The following CDH4 variants were observed in gnomAD, a reference collection of about 807,000 sequenced individuals.
CDH4 encodes the protein cadherin-4.
A neutral mutation model predicts 86.0 loss-of-function variants in CDH4; 33 were observed. That is an observed-to-expected ratio of 0.38 (90% CI 0.29 to 0.51). The LOEUF is 0.51. Among genes scored for constraint, CDH4 ranks in the 20% least tolerant of loss-of-function variants. CDH4 has a pLI of 0.86. For missense variants in CDH4, 1,114 were observed against 1,307.4 expected, an observed-to-expected ratio of 0.85 and a Z score of 2.28; for synonymous variants, 555 against 549.4, an observed-to-expected ratio of 1.01 and a Z score of -0.14.
chr20:61,701,950 G>T (rs759569052), intron 2 of CDH4, among the ~76,000 whole-genome samples: 1 of 152,194 alleles, frequency 6.6e-6, no homozygotes, highest in Non-Finnish European at 1.5e-5. Context: ...ACTCAGCTGC[G>T]TGAAGCCTCG....
At chr20:61,359,285 C>T (rs35542287) in intron 2 of CDH4, among the ~76,000 whole-genome samples, 34,652 of 152,054 alleles carry the variant, frequency 0.23, 4,481 homozygotes, top group South Asian at 0.35. Flanking sequence ...GGGGGGTGGA[C>T]TACGAGGTCA....
At chr20:61,821,188 C>A (rs1981010283) in intron 4 of CDH4, among the ~76,000 whole-genome samples, 1 of 142,866 alleles carries the variant, frequency 7.0e-6, no homozygotes, top group Non-Finnish European at 1.5e-5. Flanking sequence ...CAGCCCAGAT[C>A]CCACTGCTCC....
intron 6 of CDH4, among the ~76,000 whole-genome samples, chr20:61,866,896 C>T (rs1001293904): frequency 1.3e-5 from 2 of 152,216 alleles, no homozygotes; most frequent in African/African-American, 2.4e-5. Flanking sequence ...AAGCAGGGAG[C>T]GGTCCTTGTT....
chr20:61,404,740 T>C (rs1228675751), intron 2 of CDH4, among the ~76,000 whole-genome samples: 1 of 151,456 alleles, frequency 6.6e-6, no homozygotes, highest in African/African-American at 2.4e-5. Flanking sequence ...CTTTTTTTCC[T>C]AGGGAGAACA....
At chr20:61,845,941 T>C (rs546888969) in intron 5 of CDH4, among the ~76,000 whole-genome samples, 6 of 152,236 alleles carry the variant, frequency 3.9e-5, no homozygotes, top group African/African-American at 1.2e-4. Flanking sequence ...GGAGGCTGCA[T>C]AGGGGCAGGG....
intron 2 of CDH4, among the ~76,000 whole-genome samples, chr20:61,458,959 T>TC (rs1394798716): frequency 1.3e-5 from 2 of 151,906 alleles, no homozygotes; most frequent in South Asian, 2.1e-4. Context: ...CCCCACTTTT[T>TC]TTTTTTTTTT....
intron 2 of CDH4, among the ~76,000 whole-genome samples, chr20:61,625,762 G>C (rs1479780461): frequency 1.3e-5 from 2 of 152,162 alleles, no homozygotes; most frequent in African/African-American, 4.8e-5. Context: ...CATCTTCTGA[G>C]CCCCGTGTTC....
chr20:61,924,584 TCCAGAGGGTCAC>T (rs2122977771), intron 11 of CDH4, 108 bp downstream of exon 11: 2 of 1,264,620 alleles, frequency 1.6e-6, no homozygotes, highest in Admixed American at 2.3e-5. Flanking sequence ...CCAGCAGGCA[TCCAGAGGGTCAC>T]CCAGAGGGGC....
At chr20:61,385,451 C>T (rs1281941078) in intron 2 of CDH4, among the ~76,000 whole-genome samples, 2 of 140,236 alleles carry the variant, frequency 1.4e-5, no homozygotes, top group African/African-American at 5.6e-5. Flanking sequence ...ACGAAATCCC[C>T]GCCGCCCCCC....
chr20:61,911,591 C>CTGAAG (rs2054851512), intron 9 of CDH4, among the ~76,000 whole-genome samples: 2 of 152,050 alleles, frequency 1.3e-5, no homozygotes, highest in African/African-American at 4.8e-5. Flanking sequence ...GTAGGATCTG[C>CTGAAG]CGAAGCGTAA....
chr20:61,424,221 T>G (rs1249206324), intron 2 of CDH4, among the ~76,000 whole-genome samples: 5 of 140,210 alleles, frequency 3.6e-5, no homozygotes, highest in Non-Finnish European at 8.1e-5. Context: ...ACAGCACACA[T>G]GTATATACAC....
chr20:61,924,060 C>T (rs1395049491), intron 10 of CDH4, among the ~76,000 whole-genome samples: 1 of 152,252 alleles, frequency 6.6e-6, no homozygotes, highest in East Asian at 1.9e-4. Flanking sequence ...AGGGCGTCTG[C>T]CCACAGGGTC....
chr20:61,739,844 T>A (rs1351154764), intron 2 of CDH4, among the ~76,000 whole-genome samples: 2 of 152,176 alleles, frequency 1.3e-5, no homozygotes. Flanking sequence ...TATAAGCAGT[T>A]GGGGGCCTCT....
intron 2 of CDH4, among the ~76,000 whole-genome samples, chr20:61,622,989 G>A (rs1021365258): frequency 6.6e-6 from 1 of 152,194 alleles, no homozygotes; most frequent in Non-Finnish European, 1.5e-5. Flanking sequence ...GCTTGGGACA[G>A]TGGGATAGGC....
chr20:61,838,314 G>T (rs1288975126), intron 4 of CDH4, among the ~76,000 whole-genome samples: 1 of 152,148 alleles, frequency 6.6e-6, no homozygotes, highest in Admixed American at 6.5e-5. Flanking sequence ...GGGAAGGCAG[G>T]AGGTGGGGAG....
intron 9 of CDH4, among the ~76,000 whole-genome samples, chr20:61,916,789 G>C (rs1012649252): frequency 6.6e-6 from 1 of 152,214 alleles, no homozygotes; most frequent in South Asian, 2.1e-4. Context: ...TATTTTGTCA[G>C]GTACACACTG....
chr20:61,926,447 G>T (rs1568893015), intron 11 of CDH4, among the ~76,000 whole-genome samples: 2 of 152,320 alleles, frequency 1.3e-5, no homozygotes, highest in South Asian at 2.1e-4. Flanking sequence ...CCCTGCCAGG[G>T]TCCACAGAGC....
intron 2 of CDH4, among the ~76,000 whole-genome samples, chr20:61,726,814 GCTGCCATCATCACCATCA>G (rs61716012): frequency 0.73 from 106,804 of 147,256 alleles, 39,793 homozygotes; most frequent in East Asian, 0.99. Flanking sequence ...CATCACCATT[GCTGCCATCATCACCATCA>G]CTGCCATCAT....
chr20:61,368,980 C>T (rs1032163036), intron 2 of CDH4, among the ~76,000 whole-genome samples: 7 of 152,062 alleles, frequency 4.6e-5, no homozygotes, highest in African/African-American at 1.2e-4. Context: ...CTGAAAATCC[C>T]GAATCTAATC....
Sources: gnomAD v4.1 joint callset for allele counts (sites outside exome capture counted in the v4.1 genomes callset) on GRCh38, gnomAD v4.1.1 for gene constraint, MANE v1.5 for transcripts, NCBI Gene and HGNC (gene_info 2026-07-23, HGNC 2026-07-21) for gene names.